The following AHI1 variants were observed in gnomAD, a reference collection of about 807,000 sequenced individuals.
The protein encoded by AHI1 is jouberin.
Under a neutral mutation model 149.3 loss-of-function variants are expected in AHI1, and 123 were observed. That is an observed-to-expected ratio of 0.82 (90% CI 0.71 to 0.96). The LOEUF (loss-of-function observed/expected upper bound fraction) is 0.96. Among genes scored for constraint, AHI1 ranks in the 40% least tolerant of loss-of-function variants. The pLI, the probability that AHI1 is intolerant of heterozygous loss-of-function variation, is 0.00. For synonymous variants in AHI1, 475 were observed against 459.8 expected (o/e 1.03, Z -0.42); for missense variants, 1,439 against 1,422.7 (o/e 1.01, Z -0.18).
chr6:135,420,055 T>C (rs1782932526), intron 20 of AHI1, among the ~76,000 whole-genome samples: 2 of 152,182 alleles, frequency 1.3e-5, no homozygotes, highest in African/African-American at 2.4e-5. Flanking sequence ...AATTCATTCA[T>C]ATCTTCAGGC....
In AHI1 at chr6:135,394,819, C is replaced by CA; in HGVS notation, c.3065dup (p.Thr1023AspfsTer25). 3 of 1,609,204 alleles carry CA rather than the reference C, an allele frequency of 1.9e-6. No homozygotes were observed. The highest frequency in any genetic ancestry group is 2.5e-6 in the Non-Finnish European group (3 of 1,177,464). ...ACTGATGTAGAATCTCTTGAGCGGT[C>CA]AGCATGTTTGACTGCTTTAACTTAG... On this transcript the variant is annotated frameshift_variant, in exon 23 of 29. Coordinates refer to ENST00000265602, the MANE Select transcript of AHI1 (RefSeq NM_001134831.2). LOFTEE classifies it high-confidence loss of function.
intron 8 of AHI1, among the ~76,000 whole-genome samples, chr6:135,458,131 T>A (rs1046397047): frequency 2.6e-5 from 4 of 152,230 alleles, no homozygotes; most frequent in African/African-American, 4.8e-5. Context: ...ATATCTTATT[T>A]TAAATTTTAA....
intron 22 of AHI1, among the ~76,000 whole-genome samples, chr6:135,397,415 T>G (rs1183759519): frequency 6.6e-6 from 1 of 151,982 alleles, no homozygotes; most frequent in African/African-American, 2.4e-5. Flanking sequence ...ACAACACCCT[T>G]TTCTGTTTGC....
At chr6:135,408,854 T>C (rs2128505541) in intron 21 of AHI1, among the ~76,000 whole-genome samples, 1 of 152,308 alleles carries the variant, frequency 6.6e-6, no homozygotes, top group South Asian at 2.1e-4. Flanking sequence ...CTCAGGATGC[T>C]TAGGCTTCTT....
chr6:135,430,789 C>T (rs1027257995), intron 17 of AHI1, among the ~76,000 whole-genome samples: 5 of 151,820 alleles, frequency 3.3e-5, no homozygotes, highest in Non-Finnish European at 7.4e-5. Context: ...TCATAATAAC[C>T]GCATAACTCT....
At chr6:135,461,013 A>G (rs1034909289) in intron 8 of AHI1, among the ~76,000 whole-genome samples, 12 of 150,992 alleles carry the variant, frequency 7.9e-5, no homozygotes, top group Non-Finnish European at 1.6e-4. Context: ...AGAACTTAGG[A>G]AAGATTTCTT....
intron 13 of AHI1, 84 bp downstream of exon 13, chr6:135,446,924 T>C (rs1787326926): frequency 8.9e-6 from 12 of 1,349,586 alleles, no homozygotes; most frequent in South Asian, 3.6e-5. Flanking sequence ...TTTTAAGTAG[T>C]AAGCTAGATA....
At chr6:135,301,500 G>A in intron 26 of AHI1, 2 of 985,332 alleles carry the variant, frequency 2.0e-6, no homozygotes, top group Non-Finnish European at 2.4e-6. Context: ...TTCACAATCA[G>A]ATTTCTGCAA....
intron 23 of AHI1, among the ~76,000 whole-genome samples, chr6:135,379,458 T>A (rs1776379798): frequency 6.6e-6 from 1 of 152,190 alleles, no homozygotes; most frequent in Admixed American, 6.5e-5. Context: ...ATTCTTCTCA[T>A]CTTACAATTA....
In AHI1 at chr6:135,455,114, AT is replaced by A. The variant is rs145481711; in HGVS notation, c.1344+619del. Among the ~76,000 whole-genome samples, 500 of 151,960 alleles carry A rather than the reference AT, an allele frequency of 3.3e-3. 3 individuals carry two copies. Among genetic ancestry groups the A allele is most frequent in the African/African-American group, 0.011 (454 of 41,450 alleles). ...CTAGGTTCAAACTATCTGCAAACGC[AT>A]TTTTTTTAACTTAAAATTCGAGTAA... On this transcript the variant is annotated intron_variant, in intron 10 of 28. Coordinates refer to ENST00000265602, the MANE Select transcript of AHI1 (RefSeq NM_001134831.2).
intron 27 of AHI1, among the ~76,000 whole-genome samples, chr6:135,298,948 C>T (rs1263147885): frequency 1.3e-5 from 2 of 151,934 alleles, no homozygotes; most frequent in African/African-American, 2.4e-5. Flanking sequence ...TCAAAGACAC[C>T]AAGAGCACTG....
At chr6:135,374,094 ATATATATATATATATT>A (rs1775484800) in intron 23 of AHI1, among the ~76,000 whole-genome samples, 1 of 19,794 alleles carries the variant, frequency 5.1e-5, no homozygotes, top group Non-Finnish European at 9.7e-5. Context: ...ATATATATAT[ATATATATATATATATT>A]TTTTTTTTTT....
At chr6:135,452,782 T>C (rs1339913055) in intron 11 of AHI1, among the ~76,000 whole-genome samples, 1 of 152,174 alleles carries the variant, frequency 6.6e-6, no homozygotes, top group African/African-American at 2.4e-5. Flanking sequence ...TTAACCCTGC[T>C]CCTTCAAATA....
chr6:135,463,333 A>G, intron 7 of AHI1, 27 bp from the exon 8 acceptor site: 1 of 1,528,462 alleles, frequency 6.5e-7, no homozygotes, highest in Non-Finnish European at 8.8e-7. Context: ...AGTATCAGCC[A>G]TTACAGATAT....
chr6:135,458,988 G>GAAT (rs1439535690), intron 8 of AHI1, among the ~76,000 whole-genome samples: 1 of 152,130 alleles, frequency 6.6e-6, no homozygotes, highest in Non-Finnish European at 1.5e-5. Context: ...ACAGCTGACA[G>GAAT]AATAAGTAGA....
At chr6:135,394,960 G>C (rs537875621) in intron 22 of AHI1, 64 bp from the exon 23 acceptor site, 57 of 1,512,386 alleles carry the variant, frequency 3.8e-5, no homozygotes, top group Non-Finnish European at 5.0e-5. Context: ...GCAAAAACTG[G>C]ATGAGAAATA....
chr6:135,410,991 C>T (rs867464809), intron 21 of AHI1, among the ~76,000 whole-genome samples: 8 of 152,198 alleles, frequency 5.3e-5, no homozygotes, highest in South Asian at 2.1e-4. Flanking sequence ...TACAGGTGTA[C>T]GCCACCATGC....
At chr6:135,309,521 T>G (rs1401513068) in intron 26 of AHI1, among the ~76,000 whole-genome samples, 2 of 151,822 alleles carry the variant, frequency 1.3e-5, no homozygotes, top group African/African-American at 4.8e-5. Context: ...TCACTCTTGT[T>G]GCCCAGCCTG....
chr6:135,308,486 C>G (rs1017254831), intron 26 of AHI1, among the ~76,000 whole-genome samples: 3 of 152,180 alleles, frequency 2.0e-5, no homozygotes, highest in Non-Finnish European at 4.4e-5. Flanking sequence ...TCCATCCACC[C>G]TGGCCTCCCA....
Sources: allele counts gnomAD v4.1 joint callset (sites outside exome capture counted in the v4.1 genomes callset), GRCh38; gene constraint gnomAD v4.1.1; transcripts MANE v1.5; gene names NCBI Gene and HGNC (gene_info 2026-07-23, HGNC 2026-07-21).